Variants in APELA observed in about 807,000 individuals in gnomAD.
APELA encodes protein Elabela.
At chr4:164,892,584 T>G (rs1730903253) in intron 2 of APELA, among the ~76,000 whole-genome samples, 1 of 152,170 alleles carries the variant, frequency 6.6e-6, no homozygotes, top group African/African-American at 2.4e-5. Flanking sequence ...TGGTCTGCAC[T>G]TTTCTTATGA....
intron 2 of APELA, among the ~76,000 whole-genome samples, chr4:164,890,658 G>A (rs903756391): frequency 4.6e-5 from 7 of 152,108 alleles, no homozygotes; most frequent in African/African-American, 1.7e-4. Flanking sequence ...ATGAACATTT[G>A]GGTTATTCCG....
intron 2 of APELA, among the ~76,000 whole-genome samples, chr4:164,891,451 T>C (rs1254933284): frequency 6.6e-6 from 1 of 152,170 alleles, no homozygotes; most frequent in East Asian, 1.9e-4. Flanking sequence ...GGAATGTATT[T>C]CTCTTTGTTC....
chr4:164,883,269 CT>C (rs796970001), intron 2 of APELA, among the ~76,000 whole-genome samples: 25 of 152,270 alleles, frequency 1.6e-4, no homozygotes, highest in African/African-American at 6.0e-4. Flanking sequence ...GGGAAGAACT[CT>C]TCTGCACTTC....
rs1730995038 is a variant in APELA, at chr4:164,897,229, G to C, written c.*1815G>C. The C allele has an allele frequency of 6.6e-6, 1 of 152,188 alleles. No individual in the cohort carries two copies. Among genetic ancestry groups the C allele is most frequent in the Non-Finnish European group, 1.5e-5 (1 of 68,036 alleles). The allele number at this position is 152,188 out of a possible 1,614,324, so 9.4% of individuals were successfully genotyped here. A position where few individuals can be genotyped will look rare whatever the true frequency, so the allele number is the denominator to read the frequency against. On this transcript the variant is annotated 3_prime_UTR_variant, in exon 3 of 3. Transcript: ENST00000507152. ...ACAACACTGTCGAGTTTGTCTTCCT[G>C]TCAAAGCTTATTAAAAGTGTCTTTG... is the stretch of plus-strand genomic sequence containing the variant.
chr4:164,891,720 C>T (rs898902729), intron 2 of APELA, among the ~76,000 whole-genome samples: 1 of 152,228 alleles, frequency 6.6e-6, no homozygotes, highest in East Asian at 1.9e-4. Context: ...CACAAGCTCA[C>T]GTACAAGATC....
chr4:164,877,342 A>C lies in APELA; in HGVS notation c.11A>C (p.Gln4Pro), dbSNP rs1579104882. The change falls in exon 1 of 3, where the codon CAG (glutamine) becomes CCG (proline). Residue 4 changes from glutamine to proline, a missense_variant. Transcript: ENST00000507152. Reference sequence around the variant, plus strand: ...TTGTGCGGTAGGAAAATGAGATTTCAGCAATTCCTTTTTGCATTTTTTATT... The same window carrying C: ...TTGTGCGGTAGGAAAATGAGATTTCCGCAATTCCTTTTTGCATTTTTTATT... Reference protein sequence around the residue: MRFQQFLFAFFIFI... With the variant: MRFPQFLFAFFIFI... 2 of 399,038 alleles carry C rather than the reference A, an allele frequency of 5.0e-6. No homozygotes were observed. Among genetic ancestry groups the C allele is most frequent in the East Asian group, 7.1e-5 (2 of 28,076 alleles). 24.7% of individuals were successfully genotyped at this position (399,038 alleles called of 1,614,324 possible). A position where few individuals can be genotyped will look rare whatever the true frequency, so the allele number is the denominator to read the frequency against.
At chr4:164,898,830 T>A (rs2111076478), downstream of APELA, 1 of 152,286 alleles carries the variant, frequency 6.6e-6, no homozygotes, top group African/African-American at 2.4e-5. Context: ...CCGTCCTGAA[T>A]CATTTTTACC....
At chr4:164,889,011 C>CT (rs900901443) in intron 2 of APELA, among the ~76,000 whole-genome samples, 128 of 151,016 alleles carry the variant, frequency 8.5e-4, no homozygotes, top group African/African-American at 2.7e-3. Context: ...TATATAACTT[C>CT]TTTTTTTTTG....
intron 2 of APELA, among the ~76,000 whole-genome samples, chr4:164,893,395 A>G (rs1730916374): frequency 6.6e-6 from 1 of 152,052 alleles, no homozygotes; most frequent in African/African-American, 2.4e-5. Flanking sequence ...AGAATTTCTC[A>G]AATTTCTTTT....
At chr4:164,886,804 A>G (rs1730781269) in intron 2 of APELA, among the ~76,000 whole-genome samples, 1 of 151,750 alleles carries the variant, frequency 6.6e-6, no homozygotes, top group South Asian at 2.1e-4. Flanking sequence ...CTAGAGTTTC[A>G]AAGTTTTCTT....
chr4:164,882,822 C>T (rs1730687772), intron 2 of APELA, among the ~76,000 whole-genome samples: 2 of 152,008 alleles, frequency 1.3e-5, no homozygotes, highest in African/African-American at 4.8e-5. Flanking sequence ...GTTCAATTCC[C>T]ACCTGTGAGA....
At chr4:164,890,595 A>G (rs1305202528) in intron 2 of APELA, among the ~76,000 whole-genome samples, 1 of 152,236 alleles carries the variant, frequency 6.6e-6, no homozygotes, top group Non-Finnish European at 1.5e-5. Flanking sequence ...TTACGACTGA[A>G]TACAATTCCA....
intron 2 of APELA, among the ~76,000 whole-genome samples, chr4:164,889,325 C>T (rs561505394): frequency 1.5e-4 from 23 of 151,896 alleles, no homozygotes; most frequent in South Asian, 4.1e-4. Context: ...TTTATATATA[C>T]GAAAATTATA....
At chr4:164,878,418 G>A (rs536561554) in intron 1 of APELA, among the ~76,000 whole-genome samples, 1 of 152,146 alleles carries the variant, frequency 6.6e-6, no homozygotes, top group East Asian at 1.9e-4. Flanking sequence ...AGTTTATTTC[G>A]AATGATGTCC....
chr4:164,885,111 A>G (rs1730743797), intron 2 of APELA, among the ~76,000 whole-genome samples: 1 of 151,872 alleles, frequency 6.6e-6, no homozygotes, highest in South Asian at 2.1e-4. Flanking sequence ...AAAAGTGCCT[A>G]AGTGTTTTTG....
chr4:164,884,149 AAGAAAGAAAGGAGAAG>A (rs1253158103), intron 2 of APELA, among the ~76,000 whole-genome samples: 244 of 149,822 alleles, frequency 1.6e-3, no homozygotes, highest in African/African-American at 5.7e-3. Context: ...GAAAGAAAGA[AAGAAAGAAAGGAGAAG>A]AGAAAGAAAG....
intron 1 of APELA, among the ~76,000 whole-genome samples, chr4:164,877,620 T>A (rs1730578734): frequency 6.6e-6 from 1 of 152,234 alleles, no homozygotes; most frequent in South Asian, 2.1e-4. Context: ...AAATGATAAG[T>A]ATTTTACCAC....
chr4:164,888,270 G>A (rs1300886519), intron 2 of APELA, among the ~76,000 whole-genome samples: 1 of 152,232 alleles, frequency 6.6e-6, no homozygotes, highest in Non-Finnish European at 1.5e-5. Context: ...GAGTCAGCCA[G>A]CATCTCTTGA....
intron 2 of APELA, among the ~76,000 whole-genome samples, chr4:164,894,003 T>A (rs562082827): frequency 1.3e-5 from 2 of 152,224 alleles, no homozygotes; most frequent in Non-Finnish European, 2.9e-5. Context: ...ATAAGAATAT[T>A]GTGCAGTATA....
Sources: allele counts gnomAD v4.1 joint callset (sites outside exome capture counted in the v4.1 genomes callset), GRCh38; gene constraint gnomAD v4.1.1; transcripts MANE v1.5; gene names NCBI Gene and HGNC (gene_info 2026-07-23, HGNC 2026-07-21).